MICU2: variants seen among roughly 807,000 people sequenced by gnomAD.
MICU2 encodes the protein calcium uptake protein 2, mitochondrial.
Under a neutral mutation model 60.4 loss-of-function variants are expected in MICU2, and 64 were observed. The ratio of observed to expected loss-of-function variants is 1.06; its 90% CI spans 0.87 to 1.31. MICU2 has a LOEUF of 1.31. MICU2 is among the 50% of genes most tolerant of loss of function. The pLI is 0.00. For synonymous variants in MICU2, 201 were observed against 175.0 expected, an observed-to-expected ratio of 1.15 and a Z score of -1.17; for missense variants, 569 against 531.0, an observed-to-expected ratio of 1.07 and a Z score of -0.70.
At chr13:21,567,252 G>A (rs904213598) in intron 1 of MICU2, among the ~76,000 whole-genome samples, 1 of 152,150 alleles carries the variant, frequency 6.6e-6, no homozygotes, top group Non-Finnish European at 1.5e-5. Flanking sequence ...GGGATAAGGT[G>A]GTAATACCAT....
At chr13:21,544,532 A>AAACAC (rs1555273321) in intron 2 of MICU2, among the ~76,000 whole-genome samples, 1 of 132,590 alleles carries the variant, frequency 7.5e-6, no homozygotes, top group East Asian at 2.2e-4. Context: ...AAAAAAAAAA[A>AAACAC]AACTCAATAC....
intron 2 of MICU2, among the ~76,000 whole-genome samples, chr13:21,555,545 C>G (rs1887686977): frequency 6.6e-6 from 1 of 152,178 alleles, no homozygotes; most frequent in Non-Finnish European, 1.5e-5. Context: ...CTATCTATGA[C>G]AAACCCACAG....
chr13:21,510,162 A>G, intron 7 of MICU2, 61 bp from the exon 8 acceptor site: 2 of 864,012 alleles, frequency 2.3e-6, no homozygotes, highest in African/African-American at 1.8e-5. Flanking sequence ...TAGAATCTGT[A>G]GAGTAGAAAT....
intron 1 of MICU2, among the ~76,000 whole-genome samples, chr13:21,578,697 T>C (rs915237214): frequency 1.3e-5 from 2 of 152,244 alleles, no homozygotes; most frequent in South Asian, 4.1e-4. Flanking sequence ...TATCTTTAGA[T>C]AACCAGGTAT....
At chr13:21,542,959 C>T (rs540846017) in intron 2 of MICU2, among the ~76,000 whole-genome samples, 3 of 152,280 alleles carry the variant, frequency 2.0e-5, no homozygotes, top group South Asian at 4.1e-4. Flanking sequence ...ACCAGCACTA[C>T]ATAACTTAAT....
intron 2 of MICU2, among the ~76,000 whole-genome samples, chr13:21,559,201 T>C (rs1370129200): frequency 6.6e-6 from 1 of 152,208 alleles, no homozygotes; most frequent in African/African-American, 2.4e-5. Flanking sequence ...AGTGGGCCAA[T>C]GGAGTTACTC....
chr13:21,535,493 A>T (rs980557730), intron 4 of MICU2, among the ~76,000 whole-genome samples: 1 of 152,210 alleles, frequency 6.6e-6, no homozygotes, highest in Non-Finnish European at 1.5e-5. Context: ...TTGGTACTTG[A>T]AATTTAAACA....
At chr13:21,530,349 A>G (rs2138179915) in intron 4 of MICU2, among the ~76,000 whole-genome samples, 1 of 151,958 alleles carries the variant, frequency 6.6e-6, no homozygotes, top group Admixed American at 6.6e-5. Context: ...TCATTCCTCT[A>G]TTTCTCGTAT....
chr13:21,544,849 G>A (rs1566154828), intron 2 of MICU2, among the ~76,000 whole-genome samples: 1 of 152,022 alleles, frequency 6.6e-6, no homozygotes, highest in Non-Finnish European at 1.5e-5. Context: ...ATGAGGTCTT[G>A]CTATGTTGTC....
chr13:21,533,215 T>G (rs1033919050), intron 4 of MICU2, among the ~76,000 whole-genome samples: 5 of 152,092 alleles, frequency 3.3e-5, no homozygotes, highest in African/African-American at 1.2e-4. Context: ...CCACGGTGTA[T>G]AGGATATACT....
At chr13:21,530,371 T>C (rs1050617928) in intron 4 of MICU2, among the ~76,000 whole-genome samples, 23 of 152,050 alleles carry the variant, frequency 1.5e-4, no homozygotes, top group Admixed American at 7.2e-4. Flanking sequence ...AATATCCTCA[T>C]AGACTTTGCC....
intron 9 of MICU2, 120 bp from the exon 10 acceptor site, chr13:21,496,280 C>A: frequency 1.4e-6 from 1 of 722,524 alleles, no homozygotes; most frequent in Non-Finnish European, 2.2e-6. Flanking sequence ...GAAGAGACAA[C>A]AGAGCTTTCT....
At chr13:21,508,232 T>C (rs1339732484) in intron 8 of MICU2, among the ~76,000 whole-genome samples, 1 of 151,910 alleles carries the variant, frequency 6.6e-6, no homozygotes, top group Non-Finnish European at 1.5e-5. Flanking sequence ...TTCACACCAT[T>C]CTCCTGCCTC....
chr13:21,587,892 T>C (rs1888493306), intron 1 of MICU2, among the ~76,000 whole-genome samples: 1 of 152,222 alleles, frequency 6.6e-6, no homozygotes, highest in Non-Finnish European at 1.5e-5. Context: ...GAATACTGAA[T>C]CTTGATTTTT....
At chr13:21,508,945 G>A (rs955329984) in intron 8 of MICU2, among the ~76,000 whole-genome samples, 2 of 152,146 alleles carry the variant, frequency 1.3e-5, no homozygotes, top group Admixed American at 6.5e-5. Context: ...GTATTTAAAT[G>A]TTTTTCTGCA....
At chr13:21,527,723 G>A (rs1270542293) in intron 4 of MICU2, among the ~76,000 whole-genome samples, 2 of 152,168 alleles carry the variant, frequency 1.3e-5, no homozygotes, top group Non-Finnish European at 2.9e-5. Flanking sequence ...AATAATTTAT[G>A]TTTAAAAGTT....
chr13:21,571,988 C>G (rs916473721), intron 1 of MICU2, among the ~76,000 whole-genome samples: 2 of 152,130 alleles, frequency 1.3e-5, no homozygotes, highest in African/African-American at 4.8e-5. Flanking sequence ...GACACTGGAG[C>G]CTATATGGAA....
intron 2 of MICU2, among the ~76,000 whole-genome samples, chr13:21,559,681 T>C (rs1376411513): frequency 6.6e-6 from 1 of 152,052 alleles, no homozygotes; most frequent in Admixed American, 6.6e-5. Flanking sequence ...CACGCCACCA[T>C]GCCTGGCTAA....
At chr13:21,520,185 C>G (rs1886682209) in intron 6 of MICU2, among the ~76,000 whole-genome samples, 1 of 152,070 alleles carries the variant, frequency 6.6e-6, no homozygotes, top group Admixed American at 6.5e-5. Context: ...TGTATGGATC[C>G]TATTTGTTTA....
Sources: gnomAD v4.1 joint callset for allele counts (sites outside exome capture counted in the v4.1 genomes callset) on GRCh38, gnomAD v4.1.1 for gene constraint, MANE v1.5 for transcripts, NCBI Gene and HGNC (gene_info 2026-07-23, HGNC 2026-07-21) for gene names.